The following NR3C1 variants were observed in gnomAD, a reference collection of about 807,000 sequenced individuals.
NR3C1 encodes nuclear receptor subfamily 3 group C member 1.
NR3C1 carries 14 observed loss-of-function variants against 74.0 expected under a neutral mutation model. The observed-to-expected ratio is 0.19, with a 90% confidence interval of 0.12 to 0.30. The LOEUF (loss-of-function observed/expected upper bound fraction) is 0.30. Ranked by LOEUF, NR3C1 falls within the 10% of genes least tolerant of loss-of-function variation. The pLI, the probability that NR3C1 is intolerant of heterozygous loss-of-function variation, is 1.00. For synonymous variants in NR3C1, 308 were observed against 332.5 expected, an observed-to-expected ratio of 0.93 and a Z score of 0.80; for missense variants, 695 against 909.8, an observed-to-expected ratio of 0.76 and a Z score of 3.04.
chr5:143,408,655 A>C (rs1190666840), upstream of NR3C1, among the ~76,000 whole-genome samples: 1 of 152,166 alleles, frequency 6.6e-6, no homozygotes, highest in Non-Finnish European at 1.5e-5. Flanking sequence ...AGATAATTTT[A>C]TACAATATTT....
At chr5:143,410,640 A>G (rs1841259539) in intron 1 of NR3C1, among the ~76,000 whole-genome samples, 1 of 152,182 alleles carries the variant, frequency 6.6e-6, no homozygotes, top group Non-Finnish European at 1.5e-5. Flanking sequence ...AGGAAGGATA[A>G]TGATATCTAC....
At chr5:143,335,195 C>G (rs547048823) in intron 2 of NR3C1, among the ~76,000 whole-genome samples, 1 of 152,208 alleles carries the variant, frequency 6.6e-6, no homozygotes, top group East Asian at 1.9e-4. Flanking sequence ...ATGCCGAGGC[C>G]CTTCCAGTTG....
At chr5:143,392,178 G>A (rs890124759) in intron 2 of NR3C1, among the ~76,000 whole-genome samples, 2 of 152,058 alleles carry the variant, frequency 1.3e-5, no homozygotes, top group Admixed American at 1.3e-4. Flanking sequence ...TGTTAGCCAG[G>A]ATGGTCTCAA....
chr5:143,412,639 C>T (rs888963806), intron 1 of NR3C1, among the ~76,000 whole-genome samples: 2 of 152,220 alleles, frequency 1.3e-5, no homozygotes, highest in African/African-American at 2.4e-5. Flanking sequence ...CCCACTTTCC[C>T]TGCTTCCTCC....
intron 2 of NR3C1, among the ~76,000 whole-genome samples, chr5:143,325,896 A>C (rs1398836991): frequency 6.6e-6 from 1 of 152,218 alleles, no homozygotes; most frequent in African/African-American, 2.4e-5. Flanking sequence ...GTTATATAGC[A>C]GACATCTGCA....
chr5:143,362,796 G>A (rs902777657), intron 2 of NR3C1, among the ~76,000 whole-genome samples: 9 of 152,174 alleles, frequency 5.9e-5, no homozygotes, highest in African/African-American at 1.9e-4. Flanking sequence ...TGGAGGAGTT[G>A]AAAACATTTA....
rs374503509 is a variant in NR3C1 at position 143,299,343 on chromosome 5, TAAAAA to T, written c.1748-536_1748-532del. 2.9e-3 allele frequency among the ~76,000 whole-genome samples: 375 copies of T among 127,300 alleles called. 7 individuals are homozygous for T. Among genetic ancestry groups the T allele is most frequent in the South Asian group, 6.9e-3 (26 of 3,788 alleles). The allele number at this position is 127,300 out of a possible 152,430, so 83.5% of individuals were successfully genotyped here. A position where few individuals can be genotyped will look rare whatever the true frequency, so the allele number is the denominator to read the frequency against. ...AGGTGCTTTTTAATAGCTTTTAATG[TAAAAA>T]AAAAAAAAAAAAGCCAGTTTTGTCA... On this transcript the variant is annotated intron_variant, in intron 5 of 8. Coordinates refer to ENST00000394464, the MANE Select transcript of NR3C1 (RefSeq NM_000176.3).
In NR3C1 at chr5:143,300,723, G is replaced by T; in HGVS notation, c.1509C>A (p.Ala503=). ...AGGTTTCTTGTGAGACTCCTGTAGTGGCCTGCTGAATTCCTTTTATTTTTT... is the reference window on the plus strand; with the variant it reads ...AGGTTTCTTGTGAGACTCCTGTAGTTGCCTGCTGAATTCCTTTTATTTTTT... ...TKKKIKGIQQ[A]TTGVSQETSE... The change falls in exon 5 of 9, where the codon GCC becomes GCA. Residue 503 remains alanine (A), a synonymous_variant. Transcript: ENST00000394464. This position sits in a 1 kb window ranked among gnomAD's most constrained non-coding sequence, Gnocchi z 5.2. The T allele has an allele frequency of 6.2e-7, 1 of 1,613,958 alleles. No individual in the cohort carries two copies. The highest frequency in any genetic ancestry group is 8.5e-7 in the Non-Finnish European group (1 of 1,179,958).
At chr5:143,311,288 C>T (rs1192448351) in intron 3 of NR3C1, among the ~76,000 whole-genome samples, 1 of 152,080 alleles carries the variant, frequency 6.6e-6, no homozygotes, top group African/African-American at 2.4e-5. Flanking sequence ...AAATCACTGT[C>T]CTACAGTTAC....
At position 143,292,589 on chromosome 5, in the gene NR3C1, C is replaced by T. The variant is rs116585695; in HGVS notation, c.2023+2871G>A. On this transcript the variant is annotated intron_variant, in intron 7 of 8. Coordinates refer to ENST00000394464, the MANE Select transcript of NR3C1 (RefSeq NM_000176.3). The stretch of plus-strand genomic sequence containing the variant: ...GAGGGAATTTTTCTTGCATCTTCAC[C>T]ATAAGAACCTTGTGGAGTTTCTGGA... Among the ~76,000 whole-genome samples, 823 of 152,258 alleles carry T rather than the reference C, an allele frequency of 5.4e-3. 11 individuals carry two copies. Among genetic ancestry groups the T allele is most frequent in the African/African-American group, 0.019 (806 of 41,530 alleles).
intron 2 of NR3C1, among the ~76,000 whole-genome samples, chr5:143,351,056 C>T (rs1051422263): frequency 8.5e-5 from 13 of 152,168 alleles, no homozygotes; most frequent in Non-Finnish European, 1.6e-4. Context: ...CCTTTTATTT[C>T]CTTCCCTACT....
chr5:143,403,493 C>A lies in NR3C1; in HGVS notation c.-296G>T. The A allele has an allele frequency of 1.0e-6, 1 of 985,374 alleles. No individual in the cohort carries two copies. The highest frequency in any genetic ancestry group is 4.7e-5 in the South Asian group (1 of 21,282). The allele number at this position is 985,374 out of a possible 1,614,324, so 61.0% of individuals were successfully genotyped here. A position where few individuals can be genotyped will look rare whatever the true frequency, so the allele number is the denominator to read the frequency against. On this transcript the variant is annotated 5_prime_UTR_variant, in exon 1 of 9. Coordinates refer to ENST00000394464, the MANE Select transcript of NR3C1 (RefSeq NM_000176.3). ...CCGTCCCGGTCCCAGCTGCTTCGGC[C>A]GCTCCGGCTGCGGCGTCTCCTTCCA...
chr5:143,342,448 G>C (rs1828420612), intron 2 of NR3C1, among the ~76,000 whole-genome samples: 1 of 152,198 alleles, frequency 6.6e-6, no homozygotes, highest in African/African-American at 2.4e-5. Context: ...GACCTCCAGG[G>C]GAGGAGTTTA....
At chr5:143,336,462 C>G (rs901510303) in intron 2 of NR3C1, among the ~76,000 whole-genome samples, 9 of 152,094 alleles carry the variant, frequency 5.9e-5, no homozygotes, top group African/African-American at 2.2e-4. Context: ...TCTGTTAAGT[C>G]ACCAGTGGGG....
chr5:143,425,007 T>C (rs1751457758), intron 1 of NR3C1, among the ~76,000 whole-genome samples: 1 of 152,182 alleles, frequency 6.6e-6, no homozygotes, highest in Non-Finnish European at 1.5e-5. Flanking sequence ...ACTACAAAGC[T>C]GCAGTAATCA....
At chr5:143,312,768 T>C (rs1247008475) in intron 3 of NR3C1, among the ~76,000 whole-genome samples, 1 of 152,180 alleles carries the variant, frequency 6.6e-6, no homozygotes, top group Non-Finnish European at 1.5e-5. Flanking sequence ...TGCATTTATA[T>C]CGTGGAAATA....
At chr5:143,425,881 C>G (rs935549721) in intron 1 of NR3C1, among the ~76,000 whole-genome samples, 1 of 152,068 alleles carries the variant, frequency 6.6e-6, no homozygotes, top group African/African-American at 2.4e-5. Flanking sequence ...TAGGAATTTA[C>G]CCAGGAGAAA....
At chr5:143,427,495 C>T (rs1751593579) in intron 1 of NR3C1, among the ~76,000 whole-genome samples, 2 of 152,116 alleles carry the variant, frequency 1.3e-5, no homozygotes, top group Admixed American at 1.3e-4. Flanking sequence ...CAAACCTCAG[C>T]AGTGCCTCTT....
intron 1 of NR3C1, among the ~76,000 whole-genome samples, chr5:143,421,986 G>A (rs1226917941): frequency 6.6e-6 from 1 of 152,176 alleles, no homozygotes; most frequent in Non-Finnish European, 1.5e-5. Flanking sequence ...GCCAAGGTAG[G>A]GAGTGGCTGA....
Sources: allele counts gnomAD v4.1 joint callset (sites outside exome capture counted in the v4.1 genomes callset), GRCh38; gene constraint gnomAD v4.1.1; non-coding constraint Gnocchi (gnomAD v3.1); transcripts MANE v1.5; gene names NCBI Gene and HGNC (gene_info 2026-07-23, HGNC 2026-07-21).